The following PAK1 variants were observed in gnomAD, a reference collection of about 807,000 sequenced individuals.
PAK1 encodes serine/threonine-protein kinase PAK 1.
In PAK1, 29 loss-of-function variants were observed where a neutral mutation model predicts 67.4. That is an observed-to-expected ratio of 0.43 (90% CI 0.32 to 0.59). The LOEUF (loss-of-function observed/expected upper bound fraction) is 0.59, where lower values mean the gene tolerates loss of function less well. Ranked by LOEUF, PAK1 falls within the 20% of genes least tolerant of loss-of-function variation. The pLI, the probability that PAK1 is intolerant of heterozygous loss-of-function variation, is 0.07. For missense variants in PAK1, 337 were observed against 670.7 expected (o/e 0.50, Z 5.50); for synonymous variants, 223 against 237.4 (o/e 0.94, Z 0.56).
At chr11:77,367,834 G>T (rs1947817413) in intron 5 of PAK1, among the ~76,000 whole-genome samples, 1 of 152,134 alleles carries the variant, frequency 6.6e-6, no homozygotes, top group African/African-American at 2.4e-5. Context: ...AAAAAAATTA[G>T]CCTGGCATGG....
At chr11:77,406,834 T>C (rs1953650610) in intron 1 of PAK1, among the ~76,000 whole-genome samples, 1 of 152,136 alleles carries the variant, frequency 6.6e-6, no homozygotes, top group African/African-American at 2.4e-5. Context: ...TACTAGACCC[T>C]GTCCCTGCCC....
At chr11:77,400,521 ATGCC>A (rs938042961) in intron 1 of PAK1, among the ~76,000 whole-genome samples, 1 of 152,222 alleles carries the variant, frequency 6.6e-6, no homozygotes, top group Non-Finnish European at 1.5e-5. Context: ...GGACTCAGTG[ATGCC>A]TTGAGTTCAT....
At chr11:77,394,589 G>A (rs1329846047) in intron 1 of PAK1, among the ~76,000 whole-genome samples, 2 of 152,122 alleles carry the variant, frequency 1.3e-5, no homozygotes, top group Non-Finnish European at 2.9e-5. Flanking sequence ...GCTCACACCT[G>A]TAATCCCAGC....
intron 5 of PAK1, among the ~76,000 whole-genome samples, chr11:77,362,324 G>C (rs531616686): frequency 1.3e-5 from 2 of 152,148 alleles, no homozygotes; most frequent in South Asian, 4.1e-4. Context: ...GATCTCAAAC[G>C]TCCTCTGTTG....
At position 77,345,339 on chromosome 11, in the gene PAK1, C is replaced by A. The variant is rs200183733; in HGVS notation, c.886-1408G>T. ...AAAGTACTTTGTTTTTAAATAAAAA[C>A]AAAAAAAAAATGGCAATGGGCTCCT... On this transcript the variant is annotated intron_variant, in intron 9 of 14. Coordinates refer to ENST00000356341, the MANE Select transcript of PAK1 (RefSeq NM_002576.5). Among the ~76,000 whole-genome samples the A allele has an allele frequency of 1.3e-3, 201 of 149,548 alleles. 1 individual carries two copies. The highest frequency in any genetic ancestry group is 8.8e-3 in the East Asian group (45 of 5,108).
intron 1 of PAK1, among the ~76,000 whole-genome samples, chr11:77,464,985 AAAGAGT>A (rs1355563932): frequency 4.0e-5 from 4 of 100,560 alleles, no homozygotes; most frequent in Admixed American, 2.6e-4. Flanking sequence ...TACATACATG[AAAGAGT>A]GTGTGTGTGT....
chr11:77,335,233 C>T (rs1454412642), intron 13 of PAK1, among the ~76,000 whole-genome samples: 1 of 152,130 alleles, frequency 6.6e-6, no homozygotes, highest in Admixed American at 6.5e-5. Context: ...TCTCATCTAC[C>T]TACTATATAT....
chr11:77,526,109 A>G, the PAK1 span, among the ~76,000 whole-genome samples: 1 of 152,212 alleles, frequency 6.6e-6, no homozygotes, highest in South Asian at 2.1e-4. Context: ...CCTTGAAAAC[A>G]GCAGGCAGCC....
At chr11:77,412,955 G>GCCCA (rs1378915221) in intron 1 of PAK1, among the ~76,000 whole-genome samples, 1 of 152,148 alleles carries the variant, frequency 6.6e-6, no homozygotes, top group Non-Finnish European at 1.5e-5. Flanking sequence ...TACCAACACG[G>GCCCA]CCCAGACTAG....
intron 14 of PAK1, among the ~76,000 whole-genome samples, chr11:77,332,146 A>G (rs915948005): frequency 6.6e-6 from 1 of 150,802 alleles, no homozygotes; most frequent in African/African-American, 2.4e-5. Context: ...TCTACAAAAA[A>G]GTTTTTAAAA....
rs2136288533 is a variant in PAK1 at position 77,343,939 on chromosome 11, C to G, written c.886-8G>C. The G allele has an allele frequency of 6.3e-7, 1 of 1,576,600 alleles. No homozygotes were observed. Among genetic ancestry groups the G allele is most frequent in the Non-Finnish European group, 8.7e-7 (1 of 1,145,970 alleles). ...CATCTGCTTAATGGCCACCTGAAATCAAGAGTATATTCAATGTGCAACCAT... is the reference window on the plus strand; with the variant it reads ...CATCTGCTTAATGGCCACCTGAAATGAAGAGTATATTCAATGTGCAACCAT... On this transcript the variant is annotated splice_polypyrimidine_tract_variant and splice_region_variant and intron_variant, in intron 9 of 14. Transcript: ENST00000356341.
the PAK1 span, among the ~76,000 whole-genome samples, chr11:77,484,883 A>G: frequency 1.2e-3 from 190 of 152,344 alleles, 1 homozygote; most frequent in African/African-American, 4.4e-3. Context: ...ATAGTTCCAC[A>G]TGGCTAGGGA....
intron 5 of PAK1, among the ~76,000 whole-genome samples, chr11:77,368,517 G>A (rs925871624): frequency 1.3e-5 from 2 of 152,208 alleles, no homozygotes; most frequent in East Asian, 1.9e-4. Context: ...TAATGTAGGC[G>A]TGGCATAGAA....
At chr11:77,354,686 C>G (rs1945764563) in intron 7 of PAK1, among the ~76,000 whole-genome samples, 1 of 152,090 alleles carries the variant, frequency 6.6e-6, no homozygotes, top group South Asian at 2.1e-4. Context: ...CAGAAAAGGG[C>G]AATTTTTAAA....
chr11:77,432,213 C>A (rs1047752282), intron 1 of PAK1, among the ~76,000 whole-genome samples: 2 of 152,096 alleles, frequency 1.3e-5, no homozygotes, highest in Admixed American at 6.5e-5. Flanking sequence ...TCTCTGTTGA[C>A]ACAGAAAAAG....
chr11:77,465,125 A>G (rs1384702005), intron 1 of PAK1, among the ~76,000 whole-genome samples: 1 of 152,156 alleles, frequency 6.6e-6, no homozygotes, highest in Non-Finnish European at 1.5e-5. Flanking sequence ...GTGGCAATGG[A>G]TAGTAAAAAA....
At chr11:77,337,292 GAA>G in intron 12 of PAK1, 30 bp downstream of exon 12, 2 of 1,128,886 alleles carry the variant, frequency 1.8e-6, no homozygotes, top group Non-Finnish European at 2.7e-6. Flanking sequence ...CACAGGCAGA[GAA>G]GTATTATCAT....
chr11:77,445,911 C>A (rs1592503465), intron 1 of PAK1, among the ~76,000 whole-genome samples: 2 of 152,166 alleles, frequency 1.3e-5, no homozygotes, highest in Admixed American at 6.5e-5. Context: ...CTTCTCATCA[C>A]CCCACCCCCA....
At chr11:77,454,246 C>T (rs183972019) in intron 1 of PAK1, among the ~76,000 whole-genome samples, 49 of 152,220 alleles carry the variant, frequency 3.2e-4, no homozygotes, top group African/African-American at 1.0e-3. Flanking sequence ...AAGGGGAGCC[C>T]GAAGCTCAAT....
Sources: gnomAD v4.1 joint callset for allele counts (sites outside exome capture counted in the v4.1 genomes callset) on GRCh38, gnomAD v4.1.1 for gene constraint, MANE v1.5 for transcripts, NCBI Gene and HGNC (gene_info 2026-07-23, HGNC 2026-07-21) for gene names.